Variants in ROR2 observed in about 807,000 individuals in gnomAD.
ROR2 encodes ROR family WNT receptor 2.
ROR2 carries 33 observed loss-of-function variants against 74.9 expected under a neutral mutation model. The ratio of observed to expected loss-of-function variants is 0.44; its 90% confidence interval spans 0.33 to 0.59. The LOEUF is 0.59. ROR2 is among the 20% of genes least tolerant of loss of function. ROR2 has a pLI of 0.02. For synonymous variants in ROR2, 586 were observed against 558.7 expected (o/e 1.05, Z -0.69); for missense variants, 1,216 against 1,313.8 (o/e 0.93, Z 1.15).
intron 2 of ROR2, among the ~76,000 whole-genome samples, chr9:91,764,786 T>A (rs1390664168): frequency 6.6e-6 from 1 of 152,228 alleles, no homozygotes; most frequent in Non-Finnish European, 1.5e-5. Flanking sequence ...GGACTAAGGC[T>A]GCAAACACTC....
intron 4 of ROR2, 133 bp downstream of exon 4, chr9:91,755,938 C>A: frequency 1.1e-6 from 1 of 887,834 alleles, no homozygotes. Flanking sequence ...CACGTGGCCA[C>A]CCCTGTGTGA....
At chr9:91,748,887 C>T (rs1180993119) in intron 4 of ROR2, among the ~76,000 whole-genome samples, 11 of 152,180 alleles carry the variant, frequency 7.2e-5, no homozygotes, top group South Asian at 2.1e-4. Context: ...ATTAGCCGGG[C>T]GTGGTGGCAG....
chr9:91,803,261 C>A (rs1022447064), intron 1 of ROR2, among the ~76,000 whole-genome samples: 1 of 152,204 alleles, frequency 6.6e-6, no homozygotes, highest in African/African-American at 2.4e-5. Context: ...TTTGCTACAT[C>A]AGGGATGAAC....
chr9:91,867,953 C>A (rs1829690835), intron 1 of ROR2, among the ~76,000 whole-genome samples: 1 of 152,152 alleles, frequency 6.6e-6, no homozygotes, highest in Admixed American at 6.5e-5. Flanking sequence ...AGAGTCTCAC[C>A]ACCAAAATCT....
intron 1 of ROR2, among the ~76,000 whole-genome samples, chr9:91,808,796 A>T (rs1009092088): frequency 7.9e-5 from 12 of 151,508 alleles, no homozygotes; most frequent in Middle Eastern, 3.4e-3. Context: ...AAATATAAAA[A>T]ATATACATAT....
rs1400276844 is a variant in ROR2 at position 91,734,032 on chromosome 9, G to A, written c.623-596C>T. 3.3e-5 allele frequency among the ~76,000 whole-genome samples: 5 copies of A among 152,310 alleles called. No individual in the cohort carries two copies. The East Asian group carries it at 7.7e-4, about 24-fold the overall frequency. ...AACTCTGGAAGGTTCTGTGATAAGGGGGAGCAGAAAAACCCGAAGATCCAG... is the reference window on the plus strand; with the variant it reads ...AACTCTGGAAGGTTCTGTGATAAGGAGGAGCAGAAAAACCCGAAGATCCAG... On this transcript the variant is annotated intron_variant, in intron 5 of 8. Coordinates refer to ENST00000375708, the MANE Select transcript of ROR2 (RefSeq NM_004560.4).
At chr9:91,753,667 T>G (rs1182074035) in intron 4 of ROR2, among the ~76,000 whole-genome samples, 8 of 152,298 alleles carry the variant, frequency 5.3e-5, no homozygotes, top group African/African-American at 1.9e-4. Flanking sequence ...TGGGAATGCC[T>G]GTCACAATGG....
chr9:91,754,459 C>G (rs750916004), intron 4 of ROR2, among the ~76,000 whole-genome samples: 134 of 152,084 alleles, frequency 8.8e-4, no homozygotes, highest in Non-Finnish European at 1.7e-3. Flanking sequence ...GAGTTCGAGA[C>G]CAGTCTGGCC....
intron 1 of ROR2, among the ~76,000 whole-genome samples, chr9:91,894,011 A>C (rs1405611117): frequency 6.6e-6 from 1 of 152,194 alleles, no homozygotes; most frequent in Non-Finnish European, 1.5e-5. Context: ...CTAAGTCACA[A>C]CATTCCCCTG....
At chr9:91,852,236 G>A (rs1587783095) in intron 1 of ROR2, among the ~76,000 whole-genome samples, 1 of 151,856 alleles carries the variant, frequency 6.6e-6, no homozygotes, top group East Asian at 1.9e-4. Context: ...AACATTTTCA[G>A]TTGAGTCCCT....
chr9:91,726,613 T>C lies in ROR2; in HGVS notation c.1314A>G (p.Thr438=). 1 of 1,613,834 alleles carries C rather than the reference T, an allele frequency of 6.2e-7. No individual in the cohort carries two copies. Among genetic ancestry groups the C allele is most frequent in the Non-Finnish European group, 8.5e-7 (1 of 1,180,026 alleles). ...AGGCCATCAGCTGTCGCCGCTGCGGTGTGGACGCAGATGCCTTCTGCTTAT... is the reference window on the plus strand; with the variant it reads ...AGGCCATCAGCTGTCGCCGCTGCGGCGTGGACGCAGATGCCTTCTGCTTAT... ...CRNKQKASAS[T]PQRRQLMASP... is the part of the protein sequence containing the mutation. Residue 438 remains threonine, a synonymous_variant, in exon 8 of 9, where the codon ACA becomes ACG. Transcript: ENST00000375708.
At chr9:91,921,189 T>C (rs951711565) in intron 1 of ROR2, among the ~76,000 whole-genome samples, 1 of 152,224 alleles carries the variant, frequency 6.6e-6, no homozygotes, top group Non-Finnish European at 1.5e-5. Flanking sequence ...GGGCATGTCC[T>C]AGTGCTCTCT....
At chr9:91,772,817 A>G (rs1826279880) in intron 2 of ROR2, among the ~76,000 whole-genome samples, 1 of 152,214 alleles carries the variant, frequency 6.6e-6, no homozygotes, top group African/African-American at 2.4e-5. Flanking sequence ...TCAAATCCCA[A>G]CAAACAAAAA....
intron 1 of ROR2, chr9:91,948,930 G>T: frequency 1.0e-6 from 1 of 985,170 alleles, no homozygotes; most frequent in Non-Finnish European, 1.2e-6. Flanking sequence ...CAGAGCTAAC[G>T]CCGCCTCCTC....
intron 1 of ROR2, among the ~76,000 whole-genome samples, chr9:91,907,134 C>T (rs529530543): frequency 5.3e-5 from 8 of 152,168 alleles, no homozygotes; most frequent in African/African-American, 1.7e-4. Context: ...GTATGAAATC[C>T]GTTAAAATAA....
At chr9:91,798,294 T>A in intron 1 of ROR2, among the ~76,000 whole-genome samples, 1 of 128,302 alleles carries the variant, frequency 7.8e-6, no homozygotes, top group East Asian at 2.8e-4. Flanking sequence ...GGGTGGGGAA[T>A]GACACCCTGG....
intron 1 of ROR2, among the ~76,000 whole-genome samples, chr9:91,929,183 T>G (rs1011033334): frequency 1.3e-5 from 2 of 152,240 alleles, no homozygotes; most frequent in African/African-American, 4.8e-5. Context: ...TGATCAAATA[T>G]GTTTGAGAAA....
chr9:91,807,970 G>C (rs1187006529), intron 1 of ROR2, among the ~76,000 whole-genome samples: 1 of 152,134 alleles, frequency 6.6e-6, no homozygotes, highest in Non-Finnish European at 1.5e-5. Context: ...CCCAGGGCTA[G>C]CTCGGTCGCA....
intron 1 of ROR2, among the ~76,000 whole-genome samples, chr9:91,902,316 G>A (rs1830694971): frequency 6.6e-6 from 1 of 152,160 alleles, no homozygotes; most frequent in Non-Finnish European, 1.5e-5. Context: ...ACAAAATGAA[G>A]TAAACTTCCC....
Sources: allele counts gnomAD v4.1 joint callset (sites outside exome capture counted in the v4.1 genomes callset), GRCh38; gene constraint gnomAD v4.1.1; transcripts MANE v1.5; gene names NCBI Gene and HGNC (gene_info 2026-07-23, HGNC 2026-07-21).